The following MECOM variants were observed in gnomAD, a reference collection of about 807,000 sequenced individuals.
MECOM encodes MDS1 and EVI1 complex locus.
In MECOM, 13 loss-of-function variants were observed where a neutral mutation model predicts 116.3. The observed-to-expected ratio is 0.11, with a 90% confidence interval of 0.07 to 0.18. MECOM has a LOEUF of 0.18. Among genes scored for constraint, MECOM ranks in the 10% least tolerant of loss-of-function variants. MECOM has a pLI of 1.00. For missense variants in MECOM, 1,299 were observed against 1,509.0 expected, an observed-to-expected ratio of 0.86 and a Z score of 2.31; for synonymous variants, 528 against 535.2, an observed-to-expected ratio of 0.99 and a Z score of 0.19.
At chr3:169,290,724 T>C (rs1367441930) in intron 2 of MECOM, among the ~76,000 whole-genome samples, 6 of 152,190 alleles carry the variant, frequency 3.9e-5, no homozygotes, top group Admixed American at 6.5e-5. Flanking sequence ...TAAAAGTGAA[T>C]AAAGCTGTAT....
Position 169,422,295 on chromosome 3 carries a change from T to C in MECOM, c.38-40771A>G, listed in dbSNP as rs139961088. Among the ~76,000 whole-genome samples, 14 of 152,240 alleles carry C rather than the reference T, an allele frequency of 9.2e-5. No homozygotes were observed. The East Asian group carries it at 2.7e-3, about 29-fold the overall frequency. On this transcript the variant is annotated intron_variant, in intron 1 of 16. Transcript: ENST00000651503. ...ATGAAGAGAAAACTGATATGTTCTG[T>C]AGGATAAAATGAATGCCATGATCAT...
At chr3:169,418,079 C>T (rs1252848581) in intron 1 of MECOM, among the ~76,000 whole-genome samples, 4 of 144,032 alleles carry the variant, frequency 2.8e-5, no homozygotes, top group East Asian at 2.0e-4. Flanking sequence ...GCACATTGTG[C>T]ACATGTACCC....
intron 1 of MECOM, among the ~76,000 whole-genome samples, chr3:169,658,659 G>A (rs1319004175): frequency 2.6e-5 from 4 of 152,224 alleles, no homozygotes; most frequent in South Asian, 2.1e-4. Context: ...CACCTCACTG[G>A]GGCTTCCCCA....
intron 1 of MECOM, among the ~76,000 whole-genome samples, chr3:169,431,780 G>C (rs1401182541): frequency 1.3e-5 from 2 of 152,102 alleles, no homozygotes; most frequent in African/African-American, 4.8e-5. Context: ...CTTACATATA[G>C]AAATGGCTAA....
chr3:169,436,424 A>G (rs1471561886), intron 1 of MECOM, among the ~76,000 whole-genome samples: 2 of 151,612 alleles, frequency 1.3e-5, no homozygotes, highest in East Asian at 3.9e-4. Flanking sequence ...CTAATTTTGT[A>G]TTTTCATTAG....
intron 1 of MECOM, chr3:169,389,435 G>C (rs1040873696): frequency 2.6e-6 from 1 of 389,040 alleles, no homozygotes; most frequent in Non-Finnish European, 3.5e-6. Context: ...ATATCCACTG[G>C]AATGACCAGG....
At chr3:169,585,589 A>G (rs1481723971) in intron 1 of MECOM, among the ~76,000 whole-genome samples, 1 of 152,224 alleles carries the variant, frequency 6.6e-6, no homozygotes, top group Non-Finnish European at 1.5e-5. Context: ...TACCAGGTCT[A>G]TAGACACCTA....
intron 1 of MECOM, among the ~76,000 whole-genome samples, chr3:169,601,051 G>C (rs1767778801): frequency 6.6e-6 from 1 of 152,176 alleles, no homozygotes; most frequent in African/African-American, 2.4e-5. Flanking sequence ...TCCAGCATTA[G>C]ACTTCTCTAA....
At chr3:169,555,409 C>T (rs1277220307) in intron 1 of MECOM, among the ~76,000 whole-genome samples, 4 of 152,066 alleles carry the variant, frequency 2.6e-5, no homozygotes, top group African/African-American at 9.7e-5. Context: ...AAATGGCCAG[C>T]CCCCCGCCAA....
chr3:169,541,894 G>C (rs1760108878), intron 1 of MECOM, among the ~76,000 whole-genome samples: 1 of 152,178 alleles, frequency 6.6e-6, no homozygotes, highest in South Asian at 2.1e-4. Flanking sequence ...TTTACAAGTT[G>C]TTTTAAGGCT....
intron 2 of MECOM, among the ~76,000 whole-genome samples, chr3:169,222,311 T>C (rs1285017171): frequency 6.6e-6 from 1 of 152,208 alleles, no homozygotes; most frequent in Non-Finnish European, 1.5e-5. Flanking sequence ...AGTTTAAAGG[T>C]AGCTATGGTT....
chr3:169,084,296 A>AATAT lies in MECOM; in HGVS notation c.*609_*612dup, dbSNP rs771089919. 7 of 231,250 alleles carry AATAT rather than the reference A, an allele frequency of 3.0e-5. No homozygotes were observed. Among genetic ancestry groups the AATAT allele is most frequent in the Admixed American group, 5.6e-5 (1 of 17,754 alleles). The allele number at this position is 231,250 out of a possible 1,614,324, so 14.3% of individuals were successfully genotyped here. A position where few individuals can be genotyped will look rare whatever the true frequency, so the allele number is the denominator to read the frequency against. On this transcript the variant is annotated 3_prime_UTR_variant, in exon 17 of 17. Transcript: ENST00000651503. ...TTGAGTGTTAACATCCATAGTTTAC[A>AATAT]ATATACACATACCCTTTTTCCCTAG...
At chr3:169,375,755 G>C (rs1485387318) in intron 2 of MECOM, among the ~76,000 whole-genome samples, 1 of 152,114 alleles carries the variant, frequency 6.6e-6, no homozygotes, top group Non-Finnish European at 1.5e-5. Context: ...GAGGTACAAA[G>C]AGGAGCTCGT....
At chr3:169,290,710 A>T (rs1479733138) in intron 2 of MECOM, among the ~76,000 whole-genome samples, 1 of 152,174 alleles carries the variant, frequency 6.6e-6, no homozygotes, top group African/African-American at 2.4e-5. Flanking sequence ...ATAGAATTGT[A>T]CCATAAAAGT....
intron 1 of MECOM, among the ~76,000 whole-genome samples, chr3:169,659,705 G>T (rs1776026411): frequency 6.6e-6 from 1 of 152,034 alleles, no homozygotes; most frequent in Non-Finnish European, 1.5e-5. Context: ...AAGGATGAAG[G>T]AAAACCCAAG....
chr3:169,605,031 A>C (rs1768339222), intron 1 of MECOM, among the ~76,000 whole-genome samples: 1 of 152,218 alleles, frequency 6.6e-6, no homozygotes, highest in Non-Finnish European at 1.5e-5. Context: ...TATAGATACC[A>C]TTAAGAAACA....
intron 1 of MECOM, among the ~76,000 whole-genome samples, chr3:169,424,208 T>C (rs924553072): frequency 2.0e-5 from 3 of 152,140 alleles, no homozygotes; most frequent in Non-Finnish European, 4.4e-5. Flanking sequence ...AATTTCTTAG[T>C]CTGACCTTGA....
intron 1 of MECOM, among the ~76,000 whole-genome samples, chr3:169,520,547 T>C (rs1223569801): frequency 6.6e-6 from 1 of 152,182 alleles, no homozygotes; most frequent in Non-Finnish European, 1.5e-5. Flanking sequence ...GGTTTTGAGA[T>C]CATTAAGACA....
chr3:169,155,848 C>T (rs1165329505), intron 2 of MECOM, among the ~76,000 whole-genome samples: 1 of 152,144 alleles, frequency 6.6e-6, no homozygotes, highest in Non-Finnish European at 1.5e-5. Context: ...CTGACACTGA[C>T]AGCGTTCAGG....
Sources: allele counts gnomAD v4.1 joint callset (sites outside exome capture counted in the v4.1 genomes callset), GRCh38; gene constraint gnomAD v4.1.1; transcripts MANE v1.5; gene names NCBI Gene and HGNC (gene_info 2026-07-23, HGNC 2026-07-21).